The following LRRIQ3 variants were observed in gnomAD, a reference collection of about 807,000 sequenced individuals.
The protein encoded by LRRIQ3 is leucine rich repeats and IQ motif containing 3.
Under a neutral mutation model 59.3 loss-of-function variants are expected in LRRIQ3, and 75 were observed. The observed-to-expected ratio is 1.26, with a 90% CI of 1.05 to 1.53. The LOEUF is 1.53. LRRIQ3 is among the 40% of genes most tolerant of loss of function. LRRIQ3 has a pLI of 0.00. For synonymous variants in LRRIQ3, 250 were observed against 231.3 expected, an observed-to-expected ratio of 1.08 and a Z score of -0.73; for missense variants, 831 against 710.0, an observed-to-expected ratio of 1.17 and a Z score of -1.94.
At chr1:74,073,819 G>A (rs1363499495) in intron 6 of LRRIQ3, among the ~76,000 whole-genome samples, 1 of 151,964 alleles carries the variant, frequency 6.6e-6, no homozygotes, top group East Asian at 1.9e-4. Flanking sequence ...AGAAAAATAA[G>A]ACCTTCAAAT....
intron 6 of LRRIQ3, among the ~76,000 whole-genome samples, chr1:74,050,897 A>G (rs1261238415): frequency 5.9e-5 from 9 of 152,180 alleles, no homozygotes; most frequent in African/African-American, 2.2e-4. Context: ...AATGTTTTCA[A>G]TGAAGTCTCT....
intron 1 of LRRIQ3, among the ~76,000 whole-genome samples, chr1:74,188,900 T>C (rs761802238): frequency 2.0e-5 from 3 of 152,146 alleles, no homozygotes; most frequent in Non-Finnish European, 4.4e-5. Flanking sequence ...CAGCCAATAA[T>C]CACTTGCAAA....
chr1:74,125,634 GT>G (rs1489028406), intron 4 of LRRIQ3, among the ~76,000 whole-genome samples: 9 of 151,790 alleles, frequency 5.9e-5, no homozygotes, highest in African/African-American at 2.2e-4. Flanking sequence ...CTTCAATTCT[GT>G]TAATATAATG....
At chr1:74,176,266 T>C (rs1280124575) in intron 3 of LRRIQ3, among the ~76,000 whole-genome samples, 1 of 152,190 alleles carries the variant, frequency 6.6e-6, no homozygotes, top group African/African-American at 2.4e-5. Flanking sequence ...ATTTTCTTTC[T>C]GAGCTTGAAA....
intron 5 of LRRIQ3, among the ~76,000 whole-genome samples, chr1:74,080,860 G>C (rs1646266609): frequency 6.6e-6 from 1 of 151,564 alleles, no homozygotes; most frequent in Non-Finnish European, 1.5e-5. Flanking sequence ...TGTATGGCAA[G>C]TAAATAGGGT....
intron 7 of LRRIQ3, among the ~76,000 whole-genome samples, chr1:74,034,717 T>C (rs1653817602): frequency 6.6e-6 from 1 of 151,632 alleles, no homozygotes; most frequent in African/African-American, 2.4e-5. Flanking sequence ...GGGAAATAAA[T>C]AGTATTTTTC....
intron 4 of LRRIQ3, among the ~76,000 whole-genome samples, chr1:74,128,660 G>GT (rs1379157711): frequency 6.6e-6 from 1 of 152,058 alleles, no homozygotes; most frequent in Non-Finnish European, 1.5e-5. Flanking sequence ...GCTTGTGAAT[G>GT]TTTATCAGTG....
intron 4 of LRRIQ3, among the ~76,000 whole-genome samples, chr1:74,123,284 CCTTT>C (rs1159008286): frequency 2.0e-5 from 3 of 151,912 alleles, no homozygotes; most frequent in East Asian, 3.9e-4. Context: ...AAGCATTTAT[CCTTT>C]CTTTGTTTTA....
intron 6 of LRRIQ3, among the ~76,000 whole-genome samples, chr1:74,062,215 A>G (rs1318299869): frequency 6.6e-6 from 1 of 152,094 alleles, no homozygotes; most frequent in Non-Finnish European, 1.5e-5. Flanking sequence ...ATACAAGTGA[A>G]AAATAACCCC....
At chr1:74,063,710 C>A (rs1654793024) in intron 6 of LRRIQ3, among the ~76,000 whole-genome samples, 1 of 151,928 alleles carries the variant, frequency 6.6e-6, no homozygotes, top group Non-Finnish European at 1.5e-5. Context: ...ACAGTCCCTC[C>A]AGTTCTCTGA....
chr1:74,068,873 T>C (rs910411009), intron 6 of LRRIQ3, among the ~76,000 whole-genome samples: 1 of 151,034 alleles, frequency 6.6e-6, no homozygotes, highest in Admixed American at 6.6e-5. Flanking sequence ...CACAAGTGGA[T>C]TGAGATCAGA....
intron 4 of LRRIQ3, among the ~76,000 whole-genome samples, chr1:74,110,510 A>T (rs1243903020): frequency 3.3e-5 from 5 of 152,056 alleles, no homozygotes; most frequent in African/African-American, 1.2e-4. Flanking sequence ...AATCTTTGTA[A>T]AACAGGATCA....
intron 6 of LRRIQ3, among the ~76,000 whole-genome samples, chr1:74,069,709 T>C (rs1194230494): frequency 6.6e-6 from 1 of 152,030 alleles, no homozygotes; most frequent in Non-Finnish European, 1.5e-5. Flanking sequence ...TATCTATCCT[T>C]AGTCACAAGC....
chr1:74,169,004 G>A (rs769426878), intron 3 of LRRIQ3, among the ~76,000 whole-genome samples: 12 of 152,062 alleles, frequency 7.9e-5, no homozygotes, highest in Non-Finnish European at 1.3e-4. Context: ...TAGGCTCTAT[G>A]TTGTACCACA....
chr1:74,085,987 T>C (rs1321395058), intron 5 of LRRIQ3, among the ~76,000 whole-genome samples: 1 of 152,028 alleles, frequency 6.6e-6, no homozygotes. Flanking sequence ...ATCTCTGTAA[T>C]CACCCTCTCC....
intron 5 of LRRIQ3, among the ~76,000 whole-genome samples, chr1:74,077,377 A>G (rs2100486778): frequency 6.6e-6 from 1 of 152,052 alleles, no homozygotes; most frequent in South Asian, 2.1e-4. Flanking sequence ...CCTACCCATG[A>G]TAAAATAATG....
At chr1:74,121,762 T>C (rs1646860622) in intron 4 of LRRIQ3, among the ~76,000 whole-genome samples, 1 of 114,888 alleles carries the variant, frequency 8.7e-6, no homozygotes, top group African/African-American at 3.4e-5. Flanking sequence ...GGCCCCAGTG[T>C]GTGATGTTCC....
chr1:74,173,270 C>G (rs1447102834), intron 3 of LRRIQ3, among the ~76,000 whole-genome samples: 8 of 33,448 alleles, frequency 2.4e-4, no homozygotes, highest in African/African-American at 4.4e-4. Flanking sequence ...GCACTCCAGA[C>G]TGGGCAAGAG....
intron 7 of LRRIQ3, among the ~76,000 whole-genome samples, chr1:74,040,633 A>T (rs567147470): frequency 6.6e-6 from 1 of 152,306 alleles, no homozygotes; most frequent in South Asian, 2.1e-4. Flanking sequence ...CAGGATTAAG[A>T]CACTCACTCA....
Sources: gnomAD v4.1 joint callset for allele counts (sites outside exome capture counted in the v4.1 genomes callset) on GRCh38, gnomAD v4.1.1 for gene constraint, MANE v1.5 for transcripts, NCBI Gene and HGNC (gene_info 2026-07-23, HGNC 2026-07-21) for gene names.